The following TMEM132B variants were observed in gnomAD, a reference collection of about 807,000 sequenced individuals.
The protein encoded by TMEM132B is transmembrane protein 132B.
TMEM132B carries 18 observed loss-of-function variants against 90.8 expected under a neutral mutation model. That is an observed-to-expected ratio of 0.20 (90% CI 0.14 to 0.29). The LOEUF is 0.29. Among genes scored for constraint, TMEM132B ranks in the 10% least tolerant of loss-of-function variants. The pLI is 1.00. For synonymous variants in TMEM132B, 504 were observed against 523.3 expected (o/e 0.96, Z 0.50); for missense variants, 1,096 against 1,326.8 (o/e 0.83, Z 2.70).
At chr12:125,519,062 G>A (rs1352237204) in intron 3 of TMEM132B, among the ~76,000 whole-genome samples, 2 of 152,242 alleles carry the variant, frequency 1.3e-5, no homozygotes, top group African/African-American at 2.4e-5. Context: ...TGGAAGAGCA[G>A]TGAAGCTACA....
intron 1 of TMEM132B, among the ~76,000 whole-genome samples, chr12:125,315,190 G>C (rs1182253481): frequency 2.0e-5 from 3 of 152,244 alleles, no homozygotes; most frequent in Non-Finnish European, 4.4e-5. Context: ...GCGCATAACA[G>C]TAGAAATTGT....
At chr12:125,563,598 C>CAAACAAACAA (rs774597550) in intron 4 of TMEM132B, among the ~76,000 whole-genome samples, 2,388 of 150,090 alleles carry the variant, frequency 0.016, 27 homozygotes, top group Non-Finnish European at 0.026. Context: ...AACAAACAAA[C>CAAACAAACAA]AAAAAAAAAC....
At chr12:125,334,217 C>T (rs1421623927) in intron 1 of TMEM132B, among the ~76,000 whole-genome samples, 1 of 152,150 alleles carries the variant, frequency 6.6e-6, no homozygotes, top group Non-Finnish European at 1.5e-5. Flanking sequence ...GAGCAATTAA[C>T]ACATATGCAG....
At chr12:125,195,184 C>G (rs887244705) in intron 1 of TMEM132B, among the ~76,000 whole-genome samples, 3 of 152,032 alleles carry the variant, frequency 2.0e-5, no homozygotes, top group African/African-American at 7.3e-5. Context: ...TGTGCACCTG[C>G]ACTGTGCCAG....
In TMEM132B at chr12:125,459,101, C is replaced by G. The variant is rs756051068; in HGVS notation, c.1106+43424C>G. 5.3e-5 allele frequency among the ~76,000 whole-genome samples: 8 copies of G among 152,170 alleles called. No individual in the cohort carries two copies. Among genetic ancestry groups the G allele is most frequent in the Non-Finnish European group, 1.0e-4 (7 of 68,022 alleles). ...CGTCCATCTTATGCCTGAGTGGAGC[C>G]AACGAGGCCCCTGAGGCTCCCTGCT... On this transcript the variant is annotated intron_variant, in intron 3 of 8. Coordinates refer to ENST00000682704, the MANE Select transcript of TMEM132B (RefSeq NM_001366854.1). This position sits in a 1 kb window ranked among gnomAD's most constrained non-coding sequence, Gnocchi z 4.1.
At chr12:125,245,975 C>G (rs1268990131) in intron 1 of TMEM132B, among the ~76,000 whole-genome samples, 1 of 152,206 alleles carries the variant, frequency 6.6e-6, no homozygotes, top group East Asian at 1.9e-4. Context: ...CAGCCAGATG[C>G]AGGCTGGGCT....
chr12:125,513,371 A>G (rs373306321), intron 3 of TMEM132B, among the ~76,000 whole-genome samples: 1 of 152,150 alleles, frequency 6.6e-6, no homozygotes. Flanking sequence ...AGAGACAGCG[A>G]GAGCGTGCGT....
chr12:125,315,092 G>C (rs1468306881), intron 1 of TMEM132B, among the ~76,000 whole-genome samples: 1 of 152,262 alleles, frequency 6.6e-6, no homozygotes, highest in Non-Finnish European at 1.5e-5. Context: ...CCAGGAACCA[G>C]GCAGCTTATG....
At chr12:125,344,819 A>G (rs1437893684) in intron 1 of TMEM132B, among the ~76,000 whole-genome samples, 2 of 143,524 alleles carry the variant, frequency 1.4e-5, no homozygotes, top group Admixed American at 7.3e-5. Context: ...AGTGCAAGTA[A>G]GGGCAAGGAG....
At position 125,549,755 on chromosome 12, in the gene TMEM132B, C is replaced by G. The variant is rs754969229; in HGVS notation, c.1293+30130C>G. ...TCTGCAGAAATTAAGAATTGCAACCCTTTATCAAGCCTTTCAAGTATGTTA... is the reference window on the plus strand; with the variant it reads ...TCTGCAGAAATTAAGAATTGCAACCGTTTATCAAGCCTTTCAAGTATGTTA... On this transcript the variant is annotated intron_variant, in intron 4 of 8. Transcript: ENST00000682704. Among the ~76,000 whole-genome samples the G allele has an allele frequency of 1.3e-4, 20 of 152,174 alleles. 1 individual carries two copies. The highest frequency in any genetic ancestry group is 2.8e-4 in the Non-Finnish European group (19 of 68,046).
chr12:125,491,859 C>T (rs956334538), intron 3 of TMEM132B, among the ~76,000 whole-genome samples: 1 of 152,174 alleles, frequency 6.6e-6, no homozygotes, highest in African/African-American at 2.4e-5. Context: ...TTCTTTTGTG[C>T]TTTTACCTGA....
At chr12:125,621,163 A>C (rs1886103310) in intron 5 of TMEM132B, among the ~76,000 whole-genome samples, 2 of 152,218 alleles carry the variant, frequency 1.3e-5, no homozygotes, top group African/African-American at 4.8e-5. Context: ...GGTCACGTTT[A>C]TAAATCCTCC....
chr12:125,595,332 T>C (rs1400226335), intron 5 of TMEM132B, among the ~76,000 whole-genome samples: 1 of 152,192 alleles, frequency 6.6e-6, no homozygotes, highest in Non-Finnish European at 1.5e-5. Flanking sequence ...CAGCAATTAA[T>C]GTCGCTGCTC....
chr12:125,330,050 C>T (rs750117749), intron 1 of TMEM132B, among the ~76,000 whole-genome samples: 1 of 152,216 alleles, frequency 6.6e-6, no homozygotes, highest in East Asian at 1.9e-4. Context: ...TGTGGTCCGA[C>T]GATCTGTGTC....
intron 5 of TMEM132B, among the ~76,000 whole-genome samples, chr12:125,625,605 A>C (rs142957356): frequency 6.6e-6 from 1 of 152,320 alleles, no homozygotes; most frequent in Non-Finnish European, 1.5e-5. Context: ...GACACTTCTG[A>C]ACACATCTGC....
chr12:125,621,306 G>T (rs1034650822), intron 5 of TMEM132B, among the ~76,000 whole-genome samples: 3 of 152,150 alleles, frequency 2.0e-5, no homozygotes, highest in Non-Finnish European at 4.4e-5. Context: ...AGACAAGAAT[G>T]ATGAGGGCAT....
intron 1 of TMEM132B, among the ~76,000 whole-genome samples, chr12:125,203,007 G>A (rs943930423): frequency 3.9e-5 from 6 of 152,190 alleles, no homozygotes; most frequent in African/African-American, 7.2e-5. Flanking sequence ...CTCAGATCCC[G>A]TTGCCTGGCA....
At chr12:125,334,096 C>T (rs1169891110) in intron 1 of TMEM132B, among the ~76,000 whole-genome samples, 20 of 152,206 alleles carry the variant, frequency 1.3e-4, no homozygotes, top group Admixed American at 1.2e-3. Flanking sequence ...GGTGTTTTTA[C>T]TTGCTATTTA....
chr12:125,526,295 G>A (rs747362664), intron 4 of TMEM132B, among the ~76,000 whole-genome samples: 3 of 152,182 alleles, frequency 2.0e-5, no homozygotes, highest in East Asian at 1.9e-4. Context: ...TGGGCTCCTC[G>A]CACAGGGGTT....
Sources: gnomAD v4.1 joint callset for allele counts (sites outside exome capture counted in the v4.1 genomes callset) on GRCh38, gnomAD v4.1.1 for gene constraint, Gnocchi (gnomAD v3.1) non-coding constraint, MANE v1.5 for transcripts, NCBI Gene and HGNC (gene_info 2026-07-23, HGNC 2026-07-21) for gene names.